Variants in TRANK1 observed in about 807,000 individuals in gnomAD.
TRANK1 encodes TPR and ankyrin repeat-containing protein 1.
Under a neutral mutation model 266.0 loss-of-function variants are expected in TRANK1, and 198 were observed. The ratio of observed to expected loss-of-function variants is 0.74; its 90% CI spans 0.66 to 0.84. The LOEUF (loss-of-function observed/expected upper bound fraction) is 0.84, where lower values mean the gene tolerates loss of function less well. Among genes scored for constraint, TRANK1 ranks in the 40% least tolerant of loss-of-function variants. TRANK1 has a pLI of 0.00. For synonymous variants in TRANK1, 1,396 were observed against 1,384.1 expected (o/e 1.01, Z -0.19); for missense variants, 3,326 against 3,634.6 (o/e 0.92, Z 2.18).
chr3:36,835,148 T>C (rs2078751135), intron 20 of TRANK1, among the ~76,000 whole-genome samples: 1 of 150,010 alleles, frequency 6.7e-6, no homozygotes, highest in Admixed American at 6.6e-5. Context: ...TGAAACCCCG[T>C]CTCTACTAAA....
chr3:36,928,292 G>T (rs1468128431), intron 1 of TRANK1, among the ~76,000 whole-genome samples: 1 of 152,148 alleles, frequency 6.6e-6, no homozygotes, highest in Non-Finnish European at 1.5e-5. Flanking sequence ...TTTGTGAAGG[G>T]AATGGGGAAA....
At chr3:36,891,638 A>G (rs1246157326) in intron 7 of TRANK1, among the ~76,000 whole-genome samples, 1 of 152,256 alleles carries the variant, frequency 6.6e-6, no homozygotes, top group East Asian at 1.9e-4. Context: ...ATGATAAAAT[A>G]AAAATATTTT....
chr3:36,871,750 A>C (rs1275739998), intron 9 of TRANK1, among the ~76,000 whole-genome samples: 1 of 152,210 alleles, frequency 6.6e-6, no homozygotes, highest in Non-Finnish European at 1.5e-5. Flanking sequence ...ACATCTTTAA[A>C]ATAAATAAAT....
rs749453992 is a variant in TRANK1, at chr3:36,833,720, G to A, written c.5863C>T (p.Leu1955=). 11 of 1,613,864 alleles carry A rather than the reference G, an allele frequency of 6.8e-6. No homozygotes were observed. The highest frequency in any genetic ancestry group is 2.7e-5 in the African/African-American group (2 of 74,912). ...TCTCTCCTACCTTCCCTGTTCAGCA[G>A]GTCTGCAGCTTCTGCTAAGCGTTTC... ...SRKRLAEAAD[L]LNREGRREEA... The change falls in exon 22 of 24, where the codon CTG becomes TTG. Residue 1955 remains leucine (L), a synonymous_variant. Transcript: ENST00000645898.
chr3:36,864,816 A>C (rs1559438736), intron 9 of TRANK1, among the ~76,000 whole-genome samples: 1 of 152,170 alleles, frequency 6.6e-6, no homozygotes, highest in Non-Finnish European at 1.5e-5. Flanking sequence ...GAGAGATAAG[A>C]GACAACATAG....
intron 17 of TRANK1, among the ~76,000 whole-genome samples, chr3:36,845,482 G>C (rs773286935): frequency 2.0e-5 from 3 of 152,130 alleles, no homozygotes; most frequent in Non-Finnish European, 2.9e-5. Flanking sequence ...AATTGGGTTT[G>C]ATGGTTAAAG....
In TRANK1 at chr3:36,857,345, C is replaced by T. The variant is rs200945204; in HGVS notation, c.2377G>A (p.Val793Met). Residue 793 changes from valine to methionine, a missense_variant, in exon 13 of 24, where the codon GTG (valine) becomes ATG (methionine). By Grantham distance (21) the Val-to-Met change is conservative (BLOSUM62 1). Coordinates refer to ENST00000645898, the MANE Select transcript of TRANK1 (RefSeq NM_001329998.2). This position sits in a 1 kb window ranked among gnomAD's most constrained non-coding sequence, Gnocchi z 4.3. Reference protein sequence around the residue: ...CSEVGEGHAQVGLGALQLVPD... With the variant: ...CSEVGEGHAQMGLGALQLVPD... ...ACAAGCTGCAAGGCCCCAAGGCCCA[C>T]CTGAGCATGTCCTTCCCCCACCTCA... 742 of 1,607,356 alleles carry T rather than the reference C, an allele frequency of 4.6e-4. 1 individual carries two copies. Among genetic ancestry groups the T allele is most frequent in the Non-Finnish European group, 4.8e-4 (569 of 1,176,950 alleles).
At chr3:36,902,844 G>A (rs918752946) in intron 3 of TRANK1, among the ~76,000 whole-genome samples, 21 of 152,234 alleles carry the variant, frequency 1.4e-4, no homozygotes, top group African/African-American at 4.8e-4. Context: ...CCATCCACTA[G>A]GAGGCCAAGC....
chr3:36,936,594 A>G (rs367649639), intron 1 of TRANK1, among the ~76,000 whole-genome samples: 1 of 152,216 alleles, frequency 6.6e-6, no homozygotes, highest in Non-Finnish European at 1.5e-5. Flanking sequence ...CTACGCCCCA[A>G]TAATTTCACA....
At chr3:36,895,866 A>G (rs953699567) in intron 4 of TRANK1, 108 bp from the exon 5 acceptor site, 2 of 664,430 alleles carry the variant, frequency 3.0e-6, no homozygotes, top group Non-Finnish European at 4.8e-6. Flanking sequence ...TAAATTAAAG[A>G]TACCCTAAAG....
At chr3:36,874,852 C>G (rs1244630917) in intron 8 of TRANK1, among the ~76,000 whole-genome samples, 1 of 151,926 alleles carries the variant, frequency 6.6e-6, no homozygotes, top group Non-Finnish European at 1.5e-5. Context: ...ACAGATGCAA[C>G]TGTTTGCGGA....
At chr3:36,894,082 T>G (rs2079751947) in intron 5 of TRANK1, among the ~76,000 whole-genome samples, 1 of 152,208 alleles carries the variant, frequency 6.6e-6, no homozygotes, top group Non-Finnish European at 1.5e-5. Flanking sequence ...AAAAGATGCT[T>G]CTGTCTGCAG....
rs751171105 is a variant in TRANK1 at position 36,832,613 on chromosome 3, G to A, written c.6970C>T (p.Arg2324Trp). ...CTCAGCCACAGGTCTGTGGATTCCC[G>A]GCGGTTGCGTGCGCTTTCATTTTCA... ...LFENESARNR[R>W]ESTDLWLSAM... Residue 2324 changes from arginine to tryptophan, a missense_variant, in exon 22 of 24, where the codon CGG becomes TGG. By Grantham distance (101) the Arg-to-Trp change is moderately radical. Coordinates refer to ENST00000645898, the MANE Select transcript of TRANK1 (RefSeq NM_001329998.2). 1.3e-5 allele frequency: 21 copies of A among 1,613,836 alleles called. No individual in the cohort carries two copies. In the Admixed American group the frequency reaches 2.2e-4, roughly 17 times the overall value.
At chr3:36,899,828 T>C (rs80185016) in intron 3 of TRANK1, among the ~76,000 whole-genome samples, 2,482 of 152,316 alleles carry the variant, frequency 0.016, 27 homozygotes, top group Middle Eastern at 0.048. Context: ...AGGTCTGCTT[T>C]CAATTACGTC....
chr3:36,939,611 C>G (rs62246863), intron 1 of TRANK1, among the ~76,000 whole-genome samples: 2,529 of 152,256 alleles, frequency 0.017, 29 homozygotes, highest in Non-Finnish European at 0.026. Context: ...TGACTGGACT[C>G]CTTGTCTCCT....
Position 36,856,849 on chromosome 3 carries a change from A to C in TRANK1, c.2873T>G (p.Ile958Ser), listed in dbSNP as rs1317095091. ...CAAGCCCCGGTTGTAGGCATTGCAGATGGCCTTGATGGAATCAGCCAGTTT... is the reference window on the plus strand; with the variant it reads ...CAAGCCCCGGTTGTAGGCATTGCAGCTGGCCTTGATGGAATCAGCCAGTTT... ...HCKLADSIKA[I>S]CNAYNRGLSC... Residue 958 changes from isoleucine to serine, a missense_variant, in exon 13 of 24, where the codon ATC becomes AGC. Ile to Ser is a moderately radical substitution (Grantham distance 142). Transcript: ENST00000645898. The C allele has an allele frequency of 2.5e-6, 4 of 1,613,936 alleles. No homozygotes were observed. Among genetic ancestry groups the C allele is most frequent in the Non-Finnish European group, 3.4e-6 (4 of 1,179,912 alleles).
intron 21 of TRANK1, chr3:36,834,243 T>C (rs756950012): frequency 1.5e-4 from 36 of 237,312 alleles, no homozygotes; most frequent in Non-Finnish European, 2.8e-4. Flanking sequence ...ATAGTCTAAA[T>C]TATCCTTGAA....
At chr3:36,924,077 A>G (rs902022257) in intron 1 of TRANK1, among the ~76,000 whole-genome samples, 1 of 152,144 alleles carries the variant, frequency 6.6e-6, no homozygotes, top group Non-Finnish European at 1.5e-5. Context: ...TGTCTTGGAC[A>G]TTGCTAAATC....
chr3:36,878,734 A>C (rs763292680), intron 8 of TRANK1, among the ~76,000 whole-genome samples: 1 of 151,674 alleles, frequency 6.6e-6, no homozygotes, highest in Non-Finnish European at 1.5e-5. Flanking sequence ...CCTATATAAT[A>C]AACCTGCAAA....
Sources: gnomAD v4.1 joint callset for allele counts (sites outside exome capture counted in the v4.1 genomes callset) on GRCh38, gnomAD v4.1.1 for gene constraint, Gnocchi (gnomAD v3.1) non-coding constraint, MANE v1.5 for transcripts, NCBI Gene and HGNC (gene_info 2026-07-23, HGNC 2026-07-21) for gene names.